Variants in NRXN1 observed in about 807,000 individuals in gnomAD.
NRXN1 encodes neurexin 1.
Under a neutral mutation model 150.9 loss-of-function variants are expected in NRXN1, and 39 were observed. The observed-to-expected ratio is 0.26, with a 90% confidence interval of 0.20 to 0.34. NRXN1 has a LOEUF of 0.34. Among genes scored for constraint, NRXN1 ranks in the 10% least tolerant of loss-of-function variants. The pLI is 1.00. For missense variants in NRXN1, 1,815 were observed against 1,949.9 expected (o/e 0.93, Z 1.30); for synonymous variants, 924 against 757.0 (o/e 1.22, Z -3.62).
At chr2:50,599,711 C>G (rs1190632252) in intron 8 of NRXN1, among the ~76,000 whole-genome samples, 1 of 152,104 alleles carries the variant, frequency 6.6e-6, no homozygotes, top group Non-Finnish European at 1.5e-5. Flanking sequence ...ATTTGTCTGG[C>G]TAATTGAAGT....
intron 16 of NRXN1, chr2:50,466,605 G>T: frequency 7.2e-6 from 3 of 417,838 alleles, no homozygotes; most frequent in South Asian, 5.3e-5. Flanking sequence ...TAAAGAGGGA[G>T]AAAAATGCTA....
intron 5 of NRXN1, among the ~76,000 whole-genome samples, chr2:50,748,482 A>C (rs1441630285): frequency 6.6e-6 from 1 of 152,172 alleles, no homozygotes; most frequent in Non-Finnish European, 1.5e-5. Flanking sequence ...ATTAGCGTAC[A>C]GCCTTTCATA....
intron 5 of NRXN1, among the ~76,000 whole-genome samples, chr2:50,700,237 C>T (rs1035158858): frequency 1.3e-5 from 2 of 152,126 alleles, no homozygotes; most frequent in African/African-American, 4.8e-5. Context: ...TGAGATTGCT[C>T]CACCACAAGC....
intron 5 of NRXN1, among the ~76,000 whole-genome samples, chr2:50,868,171 A>ATATATATATATATATATG (rs1559371726): frequency 1.2e-5 from 1 of 85,682 alleles, no homozygotes; most frequent in African/African-American, 3.3e-5. Context: ...ATATATATAT[A>ATATATATATATATATATG]TATATATATA....
chr2:50,933,535 T>C (rs954054641), intron 2 of NRXN1, among the ~76,000 whole-genome samples: 6 of 152,108 alleles, frequency 3.9e-5, no homozygotes, highest in African/African-American at 1.2e-4. Flanking sequence ...GTTACAGAGT[T>C]ATAGGAAAAT....
chr2:50,468,305 C>T (rs1302558892), intron 16 of NRXN1, among the ~76,000 whole-genome samples: 1 of 151,540 alleles, frequency 6.6e-6, no homozygotes, highest in Non-Finnish European at 1.5e-5. Context: ...CTCAGAGTAC[C>T]TGCCAAGCTT....
At chr2:50,357,114 A>T (rs928191923) in intron 17 of NRXN1, among the ~76,000 whole-genome samples, 7 of 151,812 alleles carry the variant, frequency 4.6e-5, no homozygotes, top group Non-Finnish European at 7.4e-5. Context: ...CCATCTCTAC[A>T]AAAAATTTAA....
At chr2:50,661,744 C>CA (rs1177936991) in intron 5 of NRXN1, among the ~76,000 whole-genome samples, 2 of 151,992 alleles carry the variant, frequency 1.3e-5, no homozygotes, top group Admixed American at 1.3e-4. Context: ...TTAGAACCCC[C>CA]AAAAAAGGAT....
At chr2:50,836,951 A>G (rs1222155525) in intron 5 of NRXN1, among the ~76,000 whole-genome samples, 5 of 151,842 alleles carry the variant, frequency 3.3e-5, no homozygotes, top group African/African-American at 1.2e-4. Flanking sequence ...TCAGTCACTT[A>G]GAACAATATT....
At chr2:50,910,091 C>G (rs1466065961) in intron 5 of NRXN1, among the ~76,000 whole-genome samples, 1 of 151,628 alleles carries the variant, frequency 6.6e-6, no homozygotes, top group African/African-American at 2.4e-5. Context: ...AAATATTTTG[C>G]AATTCTCTTT....
At chr2:50,026,042 A>C (rs1229238454) in intron 21 of NRXN1, among the ~76,000 whole-genome samples, 1 of 152,216 alleles carries the variant, frequency 6.6e-6, no homozygotes, top group East Asian at 1.9e-4. Context: ...TTCCATATAC[A>C]GGCATATGGC....
intron 5 of NRXN1, among the ~76,000 whole-genome samples, chr2:50,854,926 C>T (rs1233549760): frequency 6.6e-6 from 1 of 151,976 alleles, no homozygotes; most frequent in Non-Finnish European, 1.5e-5. Context: ...ATTTGAGCAA[C>T]AGAAACGGAT....
chr2:50,886,510 G>A (rs964441308), intron 5 of NRXN1, among the ~76,000 whole-genome samples: 1 of 151,378 alleles, frequency 6.6e-6, no homozygotes, highest in Non-Finnish European at 1.5e-5. Context: ...GAATAAATTA[G>A]ACAATCTCAT....
intron 19 of NRXN1, among the ~76,000 whole-genome samples, chr2:50,058,812 T>G (rs1461615883): frequency 1.3e-5 from 2 of 152,176 alleles, no homozygotes; most frequent in African/African-American, 2.4e-5. Context: ...CCCCTGCAGA[T>G]GGTCTCTTGC....
At chr2:50,630,558 G>C (rs1052582038) in intron 5 of NRXN1, among the ~76,000 whole-genome samples, 3 of 151,622 alleles carry the variant, frequency 2.0e-5, no homozygotes, top group African/African-American at 7.3e-5. Flanking sequence ...GGATGCCTGC[G>C]GGCAGAACGA....
At chr2:50,197,947 A>C (rs1192616216) in intron 18 of NRXN1, among the ~76,000 whole-genome samples, 2 of 152,164 alleles carry the variant, frequency 1.3e-5, no homozygotes, top group Non-Finnish European at 2.9e-5. Flanking sequence ...CAGAAAAAGA[A>C]ATTCCAGTTG....
chr2:50,070,210 G>C (rs1696039906), intron 19 of NRXN1, among the ~76,000 whole-genome samples: 1 of 152,014 alleles, frequency 6.6e-6, no homozygotes, highest in African/African-American at 2.4e-5. Context: ...ATGATACTAG[G>C]AAATAGAGAA....
intron 8 of NRXN1, among the ~76,000 whole-genome samples, chr2:50,590,554 C>T (rs945522506): frequency 2.6e-5 from 4 of 152,090 alleles, no homozygotes; most frequent in African/African-American, 9.7e-5. Context: ...TGTGTGCCCC[C>T]TCTCCACCCA....
At chr2:50,107,361 G>T (rs1010298528) in intron 18 of NRXN1, among the ~76,000 whole-genome samples, 11 of 150,420 alleles carry the variant, frequency 7.3e-5, no homozygotes, top group African/African-American at 2.7e-4. Context: ...ACTGGAAATT[G>T]TATCAGGTAA....
Sources: allele counts gnomAD v4.1 joint callset (sites outside exome capture counted in the v4.1 genomes callset), GRCh38; gene constraint gnomAD v4.1.1; transcripts MANE v1.5; gene names NCBI Gene and HGNC (gene_info 2026-07-23, HGNC 2026-07-21).